The following MAF variants were observed in gnomAD, a reference collection of about 807,000 sequenced individuals.
MAF encodes transcription factor Maf.
In MAF, 10 loss-of-function variants were observed where a neutral mutation model predicts 22.0. That is an observed-to-expected ratio of 0.45 (90% confidence interval 0.28 to 0.77). The LOEUF (loss-of-function observed/expected upper bound fraction) is 0.77, where lower values mean the gene tolerates loss of function less well. Among genes scored for constraint, MAF ranks in the 30% least tolerant of loss-of-function variants. The pLI, the probability that MAF is intolerant of heterozygous loss-of-function variation, is 0.12. For missense variants in MAF, 544 were observed against 548.4 expected, an observed-to-expected ratio of 0.99 and a Z score of 0.08; for synonymous variants, 337 against 255.8, an observed-to-expected ratio of 1.32 and a Z score of -3.03.
the MAF span, among the ~76,000 whole-genome samples, chr16:79,580,185 C>G: frequency 0.15 from 22,601 of 152,112 alleles, 1,794 homozygotes; most frequent in Middle Eastern, 0.19. Context: ...AACACTAACC[C>G]TATCAGCCTG....
chr16:79,563,844 T>C, the MAF span, among the ~76,000 whole-genome samples: 21 of 152,268 alleles, frequency 1.4e-4, no homozygotes, highest in African/African-American at 4.8e-4. Flanking sequence ...CAATTCTGGT[T>C]GAGAAGTAAA....
At chr16:79,236,176 C>G in the MAF span, among the ~76,000 whole-genome samples, 1 of 152,062 alleles carries the variant, frequency 6.6e-6, no homozygotes, top group Non-Finnish European at 1.5e-5. Context: ...TTCCTGGTGT[C>G]TCTCCTCGCC....
the MAF span, among the ~76,000 whole-genome samples, chr16:79,247,131 G>C: frequency 6.6e-6 from 1 of 152,148 alleles, no homozygotes; most frequent in Non-Finnish European, 1.5e-5. Flanking sequence ...CCGAGGTGGT[G>C]ATATTTCAAG....
At chr16:79,475,419 G>A in the MAF span, among the ~76,000 whole-genome samples, 2 of 151,312 alleles carry the variant, frequency 1.3e-5, no homozygotes, top group African/African-American at 4.9e-5. Flanking sequence ...GGCAAATCCA[G>A]GTCTATGTCC....
rs1377954240 is a variant in MAF at position 79,599,479 on chromosome 16, C to T, written c.424G>A (p.Ala142Thr). The change falls in exon 1 of 2, where the codon GCC (alanine) becomes ACC (threonine). Residue 142 changes from alanine (A) to threonine (T), a missense_variant. Coordinates refer to ENST00000326043, the MANE Select transcript of MAF (RefSeq NM_005360.5). Reference sequence around the variant, plus strand: ...AAGGAGGCGCCGGCACCGGCCCCGGCCGCCGCGGCCAGCTGCTGCGCCCCG... The same window carrying T: ...AAGGAGGCGCCGGCACCGGCCCCGGTCGCCGCGGCCAGCTGCTGCGCCCCG... Reference protein sequence around the residue: ...ARGAQQLAAAAGAGAGASLGG... With the variant: ...ARGAQQLAAATGAGAGASLGG... 2 of 1,396,566 alleles carry T rather than the reference C, an allele frequency of 1.4e-6. No homozygotes were observed. Among genetic ancestry groups the T allele is most frequent in the South Asian group, 1.7e-5 (1 of 59,546 alleles). The allele number at this position is 1,396,566 out of a possible 1,614,324, so 86.5% of individuals were successfully genotyped here.
the MAF span, among the ~76,000 whole-genome samples, chr16:79,479,339 T>C: frequency 8.5e-5 from 13 of 152,232 alleles, no homozygotes; most frequent in Non-Finnish European, 1.3e-4. Context: ...ACCATCCCCA[T>C]GTAGGCGCCA....
chr16:79,525,525 A>G, the MAF span, among the ~76,000 whole-genome samples: 12 of 152,220 alleles, frequency 7.9e-5, no homozygotes, highest in African/African-American at 2.9e-4. Flanking sequence ...CATCTACATT[A>G]TTCTAGGAGA....
the MAF span, among the ~76,000 whole-genome samples, chr16:79,453,767 T>C: frequency 1.3e-5 from 2 of 152,216 alleles, no homozygotes; most frequent in African/African-American, 4.8e-5. Context: ...CTTTGATTCA[T>C]TCAGCCCATA....
chr16:79,539,413 A>G, the MAF span, among the ~76,000 whole-genome samples: 1 of 152,192 alleles, frequency 6.6e-6, no homozygotes, highest in Admixed American at 6.5e-5. Flanking sequence ...CTGAGGCAAG[A>G]GAATCACTCG....
chr16:79,223,735 T>C, the MAF span, among the ~76,000 whole-genome samples: 1 of 152,186 alleles, frequency 6.6e-6, no homozygotes, highest in African/African-American at 2.4e-5. Flanking sequence ...TAAACACCTC[T>C]GTGCAAATAA....
the MAF span, among the ~76,000 whole-genome samples, chr16:79,273,192 C>A: frequency 1.3e-5 from 2 of 152,244 alleles, no homozygotes; most frequent in Admixed American, 6.5e-5. Context: ...TGCTTTCAAC[C>A]CCTAGGGAAC....
chr16:79,212,298 C>T, the MAF span: 2 of 995,608 alleles, frequency 2.0e-6, no homozygotes, highest in Non-Finnish European at 2.8e-6. Flanking sequence ...AGCTTAGCAA[C>T]TGCTGGGGAG....
the MAF span, among the ~76,000 whole-genome samples, chr16:79,300,533 G>A: frequency 2.7e-5 from 4 of 150,622 alleles, no homozygotes; most frequent in African/African-American, 9.9e-5. Context: ...CCAGCCTGGT[G>A]ACAGAGCAAG....
chr16:79,566,601 G>A, the MAF span, among the ~76,000 whole-genome samples: 24 of 152,200 alleles, frequency 1.6e-4, no homozygotes, highest in Non-Finnish European at 1.9e-4. Flanking sequence ...TCCTGACCAC[G>A]CCACAAGTGT....
chr16:79,567,953 G>A, the MAF span, among the ~76,000 whole-genome samples: 12 of 152,340 alleles, frequency 7.9e-5, no homozygotes, highest in South Asian at 4.1e-4. Context: ...AAAGAGGCAG[G>A]TTGGCCTTCT....
chr16:79,417,655 C>G, the MAF span, among the ~76,000 whole-genome samples: 2 of 152,168 alleles, frequency 1.3e-5, no homozygotes, highest in Admixed American at 1.3e-4. Flanking sequence ...CCTGCTTCCC[C>G]TTCTTGGAGC....
chr16:79,362,323 AG>A, the MAF span, among the ~76,000 whole-genome samples: 1 of 152,150 alleles, frequency 6.6e-6, no homozygotes, highest in African/African-American at 2.4e-5. Context: ...CAGGCTTTTT[AG>A]TAACAGTATT....
the MAF span, among the ~76,000 whole-genome samples, chr16:79,315,993 T>C: frequency 2.0e-5 from 3 of 152,218 alleles, no homozygotes; most frequent in Non-Finnish European, 4.4e-5. Context: ...CTTGTGCGAG[T>C]TGCTGGTCCT....
chr16:79,581,120 C>G (rs1193359698), downstream of MAF, among the ~76,000 whole-genome samples: 1 of 151,756 alleles, frequency 6.6e-6, no homozygotes, highest in East Asian at 1.9e-4. Context: ...CAGTAAGCAC[C>G]TTAAGTTTTT....
Sources: gnomAD v4.1 joint callset for allele counts (sites outside exome capture counted in the v4.1 genomes callset) on GRCh38, gnomAD v4.1.1 for gene constraint, MANE v1.5 for transcripts, NCBI Gene and HGNC (gene_info 2026-07-23, HGNC 2026-07-21) for gene names.